CCDC148: variants seen among roughly 807,000 people sequenced by gnomAD.
CCDC148 encodes coiled-coil domain-containing protein 148.
CCDC148 carries 89 observed loss-of-function variants against 85.7 expected under a neutral mutation model. The ratio of observed to expected loss-of-function variants is 1.04; its 90% CI spans 0.87 to 1.24. The LOEUF (loss-of-function observed/expected upper bound fraction) is 1.24, where lower values mean the gene tolerates loss of function less well. CCDC148 is among the 50% of genes most tolerant of loss of function. The probability of loss-of-function intolerance (pLI) is 0.00; values close to 1 mark genes in which losing one functional copy is unlikely to be tolerated. For missense variants in CCDC148, 692 were observed against 671.7 expected, an observed-to-expected ratio of 1.03 and a Z score of -0.33; for synonymous variants, 230 against 213.9, an observed-to-expected ratio of 1.08 and a Z score of -0.66.
At chr2:158,450,304 T>C (rs539087378) in intron 1 of CCDC148, among the ~76,000 whole-genome samples, 1 of 152,338 alleles carries the variant, frequency 6.6e-6, no homozygotes, top group East Asian at 1.9e-4. Flanking sequence ...TGAGGATTTA[T>C]TTTAGAAGAA....
At chr2:158,448,373 G>T in intron 1 of CCDC148, among the ~76,000 whole-genome samples, 1 of 151,074 alleles carries the variant, frequency 6.6e-6, no homozygotes, top group African/African-American at 2.4e-5. Flanking sequence ...TTTGAGATGG[G>T]GTCTCATTCT....
chr2:158,434,108 T>A (rs1323234733), intron 1 of CCDC148, among the ~76,000 whole-genome samples: 3 of 152,124 alleles, frequency 2.0e-5, no homozygotes, highest in African/African-American at 7.2e-5. Flanking sequence ...GTCTGACAGC[T>A]ATGAAGAGAG....
chr2:158,372,885 A>C (rs1346494976), intron 1 of CCDC148, among the ~76,000 whole-genome samples: 1 of 151,996 alleles, frequency 6.6e-6, no homozygotes, highest in Non-Finnish European at 1.5e-5. Flanking sequence ...TTCCCAAACC[A>C]TTTGCAGATC....
chr2:158,427,635 T>G (rs985336658), intron 1 of CCDC148, among the ~76,000 whole-genome samples: 13 of 152,068 alleles, frequency 8.5e-5, no homozygotes, highest in African/African-American at 2.9e-4. Flanking sequence ...TTTAGGGGGC[T>G]GAGGCAGGAG....
At chr2:158,361,899 T>C (rs1388884945) in intron 1 of CCDC148, among the ~76,000 whole-genome samples, 2 of 150,232 alleles carry the variant, frequency 1.3e-5, no homozygotes, top group Admixed American at 6.7e-5. Context: ...TCAAGACCCA[T>C]CAGTGCGCTG....
At chr2:158,361,794 C>G (rs1352533921) in intron 1 of CCDC148, among the ~76,000 whole-genome samples, 1 of 152,106 alleles carries the variant, frequency 6.6e-6, no homozygotes, top group Non-Finnish European at 1.5e-5. Flanking sequence ...ATCATGATGA[C>G]AGGATCAAAT....
At chr2:158,281,711 G>C (rs1320577527) in intron 9 of CCDC148, among the ~76,000 whole-genome samples, 1 of 152,130 alleles carries the variant, frequency 6.6e-6, no homozygotes, top group Non-Finnish European at 1.5e-5. Flanking sequence ...AGGAGGAACT[G>C]GTACCATTCC....
rs762125420 is a variant in CCDC148 at position 158,431,488 on chromosome 2, TA to T, written c.25+24926del. On this transcript the variant is annotated intron_variant, in intron 1 of 13. Coordinates refer to ENST00000283233, the MANE Select transcript of CCDC148 (RefSeq NM_138803.4). ...AAAGTGCTATAAAAAAGGTGTTTTT[TA>T]AAAAAAAAAAAACCTGTCAATTTAT... Among the ~76,000 whole-genome samples, 600 of 147,004 alleles carry T rather than the reference TA, an allele frequency of 4.1e-3. 3 individuals are homozygous for T. Among genetic ancestry groups the T allele is most frequent in the African/African-American group, 9.6e-3 (384 of 39,940 alleles).
At chr2:158,434,228 C>T (rs1266735467) in intron 1 of CCDC148, among the ~76,000 whole-genome samples, 1 of 152,100 alleles carries the variant, frequency 6.6e-6, no homozygotes, top group Non-Finnish European at 1.5e-5. Context: ...CCAGTAGGGG[C>T]CATATGACAC....
chr2:158,361,924 A>T (rs1055921656), intron 1 of CCDC148, among the ~76,000 whole-genome samples: 1 of 151,120 alleles, frequency 6.6e-6, no homozygotes, highest in Admixed American at 6.6e-5. Context: ...CAGGAGATCC[A>T]TCTCATGTGC....
intron 1 of CCDC148, among the ~76,000 whole-genome samples, chr2:158,446,475 T>C (rs1688162508): frequency 6.6e-6 from 1 of 152,210 alleles, no homozygotes; most frequent in South Asian, 2.1e-4. Context: ...TTTTTAATGT[T>C]TAACAGCTGG....
intron 7 of CCDC148, among the ~76,000 whole-genome samples, chr2:158,317,043 A>G (rs1209896811): frequency 6.6e-6 from 1 of 152,210 alleles, no homozygotes; most frequent in South Asian, 2.1e-4. Flanking sequence ...GTTGAATTCA[A>G]CTGCTTTGCT....
intron 7 of CCDC148, among the ~76,000 whole-genome samples, chr2:158,326,297 A>C (rs1474941389): frequency 6.6e-6 from 1 of 152,074 alleles, no homozygotes; most frequent in Non-Finnish European, 1.5e-5. Context: ...AACCAGGCCT[A>C]CCCCTAAACA....
intron 1 of CCDC148, among the ~76,000 whole-genome samples, chr2:158,396,453 C>T (rs183371490): frequency 3.3e-5 from 5 of 152,200 alleles, no homozygotes; most frequent in Admixed American, 1.3e-4. Flanking sequence ...TAATTCTGGG[C>T]CCTGTCCACC....
intron 7 of CCDC148, among the ~76,000 whole-genome samples, chr2:158,327,197 G>A (rs572866067): frequency 7.2e-5 from 11 of 152,094 alleles, no homozygotes; most frequent in Non-Finnish European, 1.5e-4. Context: ...AAGGGCATAT[G>A]CTTTGTGATC....
chr2:158,447,156 T>A (rs542092044), intron 1 of CCDC148: 1 of 152,302 alleles, frequency 6.6e-6, no homozygotes, highest in Non-Finnish European at 1.5e-5. Context: ...TATGACTTAT[T>A]CTTTTTTAAA....
intron 10 of CCDC148, among the ~76,000 whole-genome samples, chr2:158,222,852 C>T (rs545129489): frequency 6.6e-6 from 1 of 152,050 alleles, no homozygotes; most frequent in East Asian, 1.9e-4. Flanking sequence ...CCAAGATGGC[C>T]GAATAGGAAC....
chr2:158,401,825 G>C (rs1045203836), intron 1 of CCDC148, among the ~76,000 whole-genome samples: 2 of 150,294 alleles, frequency 1.3e-5, no homozygotes, highest in Non-Finnish European at 2.9e-5. Context: ...AGGAGATTAC[G>C]GGGAGAACAT....
chr2:158,271,887 C>T (rs1689714857), intron 9 of CCDC148, among the ~76,000 whole-genome samples: 1 of 152,102 alleles, frequency 6.6e-6, no homozygotes, highest in Non-Finnish European at 1.5e-5. Context: ...ACCAAGCTTA[C>T]TGATTTTGTC....
Sources: allele counts gnomAD v4.1 joint callset (sites outside exome capture counted in the v4.1 genomes callset), GRCh38; gene constraint gnomAD v4.1.1; transcripts MANE v1.5; gene names NCBI Gene and HGNC (gene_info 2026-07-23, HGNC 2026-07-21).